TRIOBP: variants seen among roughly 807,000 people sequenced by gnomAD.
The protein encoded by TRIOBP is TRIO and F-actin-binding protein.
In TRIOBP, 169 loss-of-function variants were observed where a neutral mutation model predicts 238.8. That is an observed-to-expected ratio of 0.71 (90% CI 0.62 to 0.80). The LOEUF (loss-of-function observed/expected upper bound fraction) is 0.80. Among genes scored for constraint, TRIOBP ranks in the 30% least tolerant of loss-of-function variants. The probability of loss-of-function intolerance (pLI) is 0.00; values close to 1 mark genes in which losing one functional copy is unlikely to be tolerated. For synonymous variants in TRIOBP, 1,150 were observed against 1,274.4 expected, an observed-to-expected ratio of 0.90 and a Z score of 2.08; for missense variants, 2,838 against 3,122.6, an observed-to-expected ratio of 0.91 and a Z score of 2.17.
intron 4 of TRIOBP, among the ~76,000 whole-genome samples, chr22:37,712,397 T>A (rs1923297936): frequency 6.6e-6 from 1 of 152,082 alleles, no homozygotes; most frequent in South Asian, 2.1e-4. Context: ...AATGGCACGA[T>A]CTTGGCTCAC....
chr22:37,710,084 A>G (rs887632086), intron 3 of TRIOBP, among the ~76,000 whole-genome samples: 9 of 152,240 alleles, frequency 5.9e-5, no homozygotes, highest in Admixed American at 5.9e-4. Flanking sequence ...ATGCAAACGT[A>G]CAGATCGGTG....
chr22:37,751,652 G>A, intron 11 of TRIOBP, 120 bp from the exon 12 acceptor site: 1 of 1,169,304 alleles, frequency 8.6e-7, no homozygotes, highest in African/African-American at 1.5e-5. Flanking sequence ...CTCTTGGCTG[G>A]CTTCCCAGGA....
intron 19 of TRIOBP, among the ~76,000 whole-genome samples, chr22:37,768,406 C>G (rs2145881025): frequency 1.3e-5 from 2 of 152,338 alleles, no homozygotes; most frequent in Admixed American, 1.3e-4. Flanking sequence ...CTCCACCCAC[C>G]TCTTCACCCC....
At position 37,716,028 on chromosome 22, in the gene TRIOBP, A is replaced by G. The variant is rs113817390; in HGVS notation, c.628+94A>G. On this transcript the variant is annotated intron_variant, in intron 6 of 23. Transcript: ENST00000644935. ...CCATTTGGGACTCTGGGCACGGCTT[A>G]CTTTGGTGGCCTGAGTGTTAATAAT... is the stretch of plus-strand genomic sequence containing the variant. The G allele has an allele frequency of 7.8e-4, 1,090 of 1,400,018 alleles. 6 individuals are homozygous for G. The African/African-American group carries it at 0.014, about 18-fold the overall frequency. 86.7% of individuals were successfully genotyped at this position (1,400,018 alleles called of 1,614,324 possible).
chr22:37,735,312 G>T lies in TRIOBP; in HGVS notation c.4976G>T (p.Cys1659Phe). The T allele has an allele frequency of 6.2e-7, 1 of 1,612,776 alleles. No homozygotes were observed. The highest frequency in any genetic ancestry group is 8.5e-7 in the Non-Finnish European group (1 of 1,179,334). ...QSPVQLPSPA[C>F]TSTQWPKIKV... Reference sequence around the variant, plus strand: ...CCGGTCCAGCTGCCCAGCCCTGCCTGCACCTCCACCCAGTGGCCAAAGATC... The same window carrying T: ...CCGGTCCAGCTGCCCAGCCCTGCCTTCACCTCCACCCAGTGGCCAAAGATC... Residue 1659 changes from cysteine to phenylalanine, a missense_variant, in exon 9 of 24, where the codon TGC (cysteine) becomes TTC (phenylalanine). Coordinates refer to ENST00000644935, the MANE Select transcript of TRIOBP (RefSeq NM_001039141.3).
rs1203902638 is a variant in TRIOBP, at chr22:37,734,576, G to A, written c.4240G>A (p.Glu1414Lys). 6.3e-7 allele frequency: 1 copy of A among 1,584,348 alleles called. No individual in the cohort carries two copies. The highest frequency in any genetic ancestry group is 8.6e-7 in the Non-Finnish European group (1 of 1,165,530). Residue 1414 changes from glutamate (E) to lysine (K), a missense_variant, in exon 9 of 24, where the codon GAG becomes AAG. Glu to Lys is a moderately conservative substitution (Grantham distance 56). Transcript: ENST00000644935. ...ERELRTQRPLESGQAGPRQPL... is the reference protein window; with the variant it reads ...ERELRTQRPLKSGQAGPRQPL... ...GGAGCTGCGGACACAGAGACCTCTGGAGAGTGGCCAAGCAGGCCCAAGACA... is the reference window on the plus strand; with the variant it reads ...GGAGCTGCGGACACAGAGACCTCTGAAGAGTGGCCAAGCAGGCCCAAGACA...
At chr22:37,732,266 T>C (rs977165887) in intron 7 of TRIOBP, among the ~76,000 whole-genome samples, 3 of 129,032 alleles carry the variant, frequency 2.3e-5, no homozygotes, top group Non-Finnish European at 5.5e-5. Flanking sequence ...GCAAGACAAC[T>C]AACTGGAACT....
At chr22:37,758,391 G>A (rs1469372191) in intron 16 of TRIOBP, among the ~76,000 whole-genome samples, 1 of 152,214 alleles carries the variant, frequency 6.6e-6, no homozygotes, top group African/African-American at 2.4e-5. Flanking sequence ...GGGAAGAGAA[G>A]GGAGAGACCT....
rs1924583912 is a variant in TRIOBP, at chr22:37,734,760, G to A, written c.4424G>A (p.Gly1475Glu). Residue 1475 changes from glycine (G) to glutamate (E), a missense_variant, in exon 9 of 24, where the codon GGA becomes GAA. By Grantham distance (98) the Gly-to-Glu change is moderately conservative. Around this residue, in one of 5 missense-constraint regions of TRIOBP, gnomAD observed 2,096 missense variants for 2,137.4 expected, o/e 0.98. Transcript: ENST00000644935. ...CTGGGGGCAGCCAAAGCCCCGGAGG[G>A]AGCATGGGGGGGCACTTCCAGGGAG... ...PSLGAAKAPE[G>E]AWGGTSREYK... 1 of 1,612,170 alleles carries A rather than the reference G, an allele frequency of 6.2e-7. No individual in the cohort carries two copies. Among genetic ancestry groups the A allele is most frequent in the Non-Finnish European group, 8.5e-7 (1 of 1,179,640 alleles).
At chr22:37,733,811 C>CCCAAAT (rs1364760405) in intron 8 of TRIOBP, among the ~76,000 whole-genome samples, 1 of 151,996 alleles carries the variant, frequency 6.6e-6, no homozygotes, top group Non-Finnish European at 1.5e-5. Context: ...GCTGGGATTA[C>CCCAAAT]AGGCGTGTGC....
At chr22:37,709,277 A>T (rs1217403744) in intron 3 of TRIOBP, among the ~76,000 whole-genome samples, 1 of 152,148 alleles carries the variant, frequency 6.6e-6, no homozygotes, top group East Asian at 1.9e-4. Flanking sequence ...TCTGGGCTCC[A>T]GGGTCCCCAG....
intron 17 of TRIOBP, among the ~76,000 whole-genome samples, chr22:37,763,599 T>C (rs552355778): frequency 6.6e-6 from 1 of 152,214 alleles, no homozygotes; most frequent in South Asian, 2.1e-4. Flanking sequence ...TTAATGACCT[T>C]AAACATTTTT....
At chr22:37,727,032 G>A (rs148610571) in intron 7 of TRIOBP, among the ~76,000 whole-genome samples, 77 of 151,446 alleles carry the variant, frequency 5.1e-4, no homozygotes, top group African/African-American at 1.7e-3. Context: ...TCAGCCTCCC[G>A]AGTAGCTGGG....
At chr22:37,755,985 G>GTAGT (rs1925901235) in intron 15 of TRIOBP, among the ~76,000 whole-genome samples, 1 of 152,224 alleles carries the variant, frequency 6.6e-6, no homozygotes, top group Admixed American at 6.5e-5. Flanking sequence ...GGGTGGTTAG[G>GTAGT]TAGTTCAGCC....
At position 37,726,263 on chromosome 22, in the gene TRIOBP, ACCTAGCGTT is replaced by A. The variant is rs1164919227; in HGVS notation, c.3711_3719del (p.Phe1239_Ala1241del). ...TCCCCACCCCGCCACCCACCCAGTG[ACCTAGCGTT>A]CCTGGCACCCTCACCTTCACCGGGC... On this transcript the variant is annotated inframe_deletion, in exon 7 of 24. Coordinates refer to ENST00000644935, the MANE Select transcript of TRIOBP (RefSeq NM_001039141.3). 3.1e-6 allele frequency: 5 copies of A among 1,606,656 alleles called. No individual in the cohort carries two copies. Among genetic ancestry groups the A allele is most frequent in the Non-Finnish European group, 4.3e-6 (5 of 1,174,456 alleles).
chr22:37,743,800 A>AGTGTGT (rs1238130911), intron 11 of TRIOBP, among the ~76,000 whole-genome samples: 96 of 55,394 alleles, frequency 1.7e-3, no homozygotes, highest in South Asian at 4.9e-3. Flanking sequence ...AGAGAGAGAG[A>AGTGTGT]ATGTGTGTGT....
In TRIOBP at chr22:37,701,496, C is replaced by T. The variant is rs781327963; in HGVS notation, c.114+17C>T. The T allele has an allele frequency of 7.6e-6, 12 of 1,587,474 alleles. No homozygotes were observed. Among genetic ancestry groups the T allele is most frequent in the South Asian group, 3.4e-5 (3 of 88,256 alleles). Reference sequence around the variant, plus strand: ...AGATACCAGGTGGGCCAGTTTTCCACGTGGTTGGGGTGGTTTGTGATGGGG... The same window carrying T: ...AGATACCAGGTGGGCCAGTTTTCCATGTGGTTGGGGTGGTTTGTGATGGGG... On this transcript the variant is annotated intron_variant, in intron 3 of 23. Coordinates refer to ENST00000644935, the MANE Select transcript of TRIOBP (RefSeq NM_001039141.3).
chr22:37,734,367 G>C (rs777738830), intron 8 of TRIOBP, 32 bp from the exon 9 acceptor site: 8 of 1,599,878 alleles, frequency 5.0e-6, no homozygotes, highest in Non-Finnish European at 6.0e-6. Context: ...CCCAGAGAGA[G>C]AGCCTCACCT....
At chr22:37,761,819 C>G (rs1926258711) in intron 17 of TRIOBP, among the ~76,000 whole-genome samples, 1 of 151,634 alleles carries the variant, frequency 6.6e-6, no homozygotes, top group Non-Finnish European at 1.5e-5. Flanking sequence ...GGGGGCTTAC[C>G]TTGTCCTGGG....
Sources: allele counts gnomAD v4.1 joint callset (sites outside exome capture counted in the v4.1 genomes callset), GRCh38; gene constraint gnomAD v4.1.1; regional missense constraint gnomAD v4.1.1; transcripts MANE v1.5; gene names NCBI Gene and HGNC (gene_info 2026-07-23, HGNC 2026-07-21).